The following VAV3 variants were observed in gnomAD, a reference collection of about 807,000 sequenced individuals.
VAV3 encodes the protein vav guanine nucleotide exchange factor 3.
VAV3 carries 94 observed loss-of-function variants against 131.2 expected under a neutral mutation model. The ratio of observed to expected loss-of-function variants is 0.72; its 90% CI spans 0.61 to 0.85. The LOEUF (loss-of-function observed/expected upper bound fraction) is 0.85. Among genes scored for constraint, VAV3 ranks in the 40% least tolerant of loss-of-function variants. The pLI is 0.00. For synonymous variants in VAV3, 349 were observed against 342.0 expected, an observed-to-expected ratio of 1.02 and a Z score of -0.22; for missense variants, 939 against 1,002.7, an observed-to-expected ratio of 0.94 and a Z score of 0.86.
intron 2 of VAV3, among the ~76,000 whole-genome samples, chr1:107,846,368 C>T (rs908452556): frequency 6.6e-6 from 1 of 151,314 alleles, no homozygotes; most frequent in African/African-American, 2.4e-5. Flanking sequence ...AGACCATCAA[C>T]ACTGTGAAGA....
At chr1:107,776,288 A>G (rs1472314886) in intron 4 of VAV3, among the ~76,000 whole-genome samples, 1 of 152,226 alleles carries the variant, frequency 6.6e-6, no homozygotes, top group Non-Finnish European at 1.5e-5. Context: ...ACAGCCATGA[A>G]CAAGGCAAAG....
chr1:107,788,727 T>C (rs981327005), intron 2 of VAV3, among the ~76,000 whole-genome samples: 3 of 152,230 alleles, frequency 2.0e-5, no homozygotes, highest in African/African-American at 4.8e-5. Flanking sequence ...AAATTTATGC[T>C]GGTCTGTTAG....
chr1:107,653,226 C>A (rs183732316), intron 19 of VAV3, among the ~76,000 whole-genome samples: 1 of 151,530 alleles, frequency 6.6e-6, no homozygotes, highest in Non-Finnish European at 1.5e-5. Context: ...ACCATCATTT[C>A]GATGTGCTGA....
intron 2 of VAV3, among the ~76,000 whole-genome samples, chr1:107,781,189 T>C (rs182285813): frequency 1.3e-5 from 2 of 152,278 alleles, no homozygotes; most frequent in African/African-American, 2.4e-5. Context: ...CTAGCCTCTG[T>C]AAAATGCAGA....
chr1:107,895,239 G>C (rs1328876735), intron 1 of VAV3, among the ~76,000 whole-genome samples: 1 of 152,162 alleles, frequency 6.6e-6, no homozygotes, highest in Non-Finnish European at 1.5e-5. Flanking sequence ...CTCACCCATG[G>C]GACGTGAGTG....
intron 15 of VAV3, among the ~76,000 whole-genome samples, chr1:107,727,426 T>G (rs1661915419): frequency 6.6e-6 from 1 of 152,212 alleles, no homozygotes. Context: ...TTAACTTTCC[T>G]CTAAATTATT....
intron 5 of VAV3, among the ~76,000 whole-genome samples, chr1:107,771,018 T>A (rs962786066): frequency 2.6e-5 from 4 of 152,232 alleles, no homozygotes; most frequent in Admixed American, 2.6e-4. Context: ...AAATGGTGTA[T>A]GATTATTTCC....
At chr1:107,659,530 T>C (rs1325859512) in intron 19 of VAV3, among the ~76,000 whole-genome samples, 1 of 152,160 alleles carries the variant, frequency 6.6e-6, no homozygotes, top group East Asian at 1.9e-4. Flanking sequence ...ACTGACAAAG[T>C]GATTGTTCTT....
intron 20 of VAV3, among the ~76,000 whole-genome samples, chr1:107,619,107 T>C (rs1488374989): frequency 6.6e-6 from 1 of 152,128 alleles, no homozygotes; most frequent in Non-Finnish European, 1.5e-5. Flanking sequence ...GAAGAGAAGA[T>C]GATCTGTTTC....
chr1:107,760,723 T>C (rs1193668703), intron 10 of VAV3, 61 bp downstream of exon 10: 2 of 1,322,308 alleles, frequency 1.5e-6, no homozygotes, highest in East Asian at 4.7e-5. Flanking sequence ...TAGTTGATGC[T>C]TCATTAATAT....
At chr1:107,859,815 C>T (rs141296788) in intron 2 of VAV3, among the ~76,000 whole-genome samples, 1 of 152,062 alleles carries the variant, frequency 6.6e-6, no homozygotes, top group Non-Finnish European at 1.5e-5. Context: ...ATGTCTGAAC[C>T]TTTATTCAAT....
chr1:107,827,501 A>G (rs1216616459), intron 2 of VAV3, among the ~76,000 whole-genome samples: 2 of 152,206 alleles, frequency 1.3e-5, no homozygotes, highest in Admixed American at 6.5e-5. Context: ...AACAGTGATT[A>G]ACAATTGATT....
At chr1:107,875,073 C>A in intron 1 of VAV3, 56 bp from the exon 2 acceptor site, 1 of 1,410,274 alleles carries the variant, frequency 7.1e-7, no homozygotes, top group Middle Eastern at 1.8e-4. Context: ...ATGCTATCCA[C>A]CCTCTGTAAC....
At chr1:107,632,141 C>T (rs536453784) in intron 20 of VAV3, among the ~76,000 whole-genome samples, 1 of 152,106 alleles carries the variant, frequency 6.6e-6, no homozygotes, top group Non-Finnish European at 1.5e-5. Flanking sequence ...TTTAATAATA[C>T]CAATTACCAA....
At chr1:107,721,947 C>T (rs965256229) in intron 15 of VAV3, among the ~76,000 whole-genome samples, 1 of 152,172 alleles carries the variant, frequency 6.6e-6, no homozygotes, top group African/African-American at 2.4e-5. Context: ...CCCATAATTG[C>T]AAATGACTTT....
chr1:107,881,343 C>T (rs978356491), intron 1 of VAV3, among the ~76,000 whole-genome samples: 3 of 152,118 alleles, frequency 2.0e-5, no homozygotes. Context: ...AAAGAGAAGA[C>T]CTCAGAATTA....
At chr1:107,702,795 C>CA (rs11312777) in intron 17 of VAV3, among the ~76,000 whole-genome samples, 3,674 of 137,608 alleles carry the variant, frequency 0.027, 47 homozygotes, top group Admixed American at 0.048. Flanking sequence ...CCACGTCTTT[C>CA]AAAAAAAAAA....
chr1:107,727,877 AG>A (rs1345248667), intron 15 of VAV3, among the ~76,000 whole-genome samples: 1 of 152,210 alleles, frequency 6.6e-6, no homozygotes, highest in Non-Finnish European at 1.5e-5. Flanking sequence ...ACTCAATCTA[AG>A]GGGAGTTTCA....
At chr1:107,933,280 T>C (rs1415849716) in intron 1 of VAV3, among the ~76,000 whole-genome samples, 2 of 151,092 alleles carry the variant, frequency 1.3e-5, no homozygotes, top group African/African-American at 2.5e-5. Context: ...GGTGGTTTTT[T>C]TGTGTTTTTT....
Sources: allele counts gnomAD v4.1 joint callset (sites outside exome capture counted in the v4.1 genomes callset), GRCh38; gene constraint gnomAD v4.1.1; transcripts MANE v1.5; gene names NCBI Gene and HGNC (gene_info 2026-07-23, HGNC 2026-07-21).